DAPK1: variants seen among roughly 807,000 people sequenced by gnomAD.
DAPK1 encodes the protein death-associated protein kinase 1.
A neutral mutation model predicts 144.9 loss-of-function variants in DAPK1; 56 were observed. That is an observed-to-expected ratio of 0.39 (90% CI 0.31 to 0.48). The LOEUF (loss-of-function observed/expected upper bound fraction) is 0.48, where lower values mean the gene tolerates loss of function less well. Ranked by LOEUF, DAPK1 falls within the 20% of genes least tolerant of loss-of-function variation. The pLI, the probability that DAPK1 is intolerant of heterozygous loss-of-function variation, is 0.95. For missense variants in DAPK1, 1,454 were observed against 1,875.4 expected, an observed-to-expected ratio of 0.78 and a Z score of 4.15; for synonymous variants, 690 against 749.0, an observed-to-expected ratio of 0.92 and a Z score of 1.29.
In DAPK1 at chr9:87,706,338, C is replaced by T; in HGVS notation, c.3267C>T (p.Asp1089=). ...EELLQILDAM[D]ICARDLSSGT... is the part of the protein sequence containing the mutation. ...TGCTGCAGATCCTCGATGCCATGGA[C>T]ATCTGCGCCCGGGACCTGAGCAGCG... The change falls in exon 26 of 26, where the codon GAC becomes GAT. Residue 1089 remains aspartate, a synonymous_variant. Transcript: ENST00000408954. This position sits in a 1 kb window ranked among gnomAD's most constrained non-coding sequence, Gnocchi z 9.0. 6.2e-7 allele frequency: 1 copy of T among 1,607,464 alleles called. No individual in the cohort carries two copies. Among genetic ancestry groups the T allele is most frequent in the East Asian group, 2.2e-5 (1 of 44,540 alleles).
intron 2 of DAPK1, among the ~76,000 whole-genome samples, chr9:87,515,339 A>G (rs1478121010): frequency 2.6e-5 from 4 of 152,254 alleles, no homozygotes; most frequent in Admixed American, 2.0e-4. Flanking sequence ...CCTGTGGGCC[A>G]TGATTTGCTA....
intron 2 of DAPK1, chr9:87,525,259 AT>A (rs1825453503): frequency 6.9e-7 from 1 of 1,457,008 alleles, no homozygotes; most frequent in African/African-American, 1.4e-5. Context: ...AATGCGTTGA[AT>A]AGAGCTTCTT....
intron 2 of DAPK1, among the ~76,000 whole-genome samples, chr9:87,600,740 T>C (rs1448912585): frequency 6.6e-6 from 1 of 152,172 alleles, no homozygotes; most frequent in Non-Finnish European, 1.5e-5. Flanking sequence ...CCTTCCCCCA[T>C]CCATTGAACA....
intron 2 of DAPK1, among the ~76,000 whole-genome samples, chr9:87,522,248 AAAATG>A (rs538534331): frequency 9.3e-4 from 141 of 152,354 alleles, no homozygotes; most frequent in Non-Finnish European, 1.6e-3. Flanking sequence ...TACATCTTTT[AAAATG>A]AAATATGTAA....
intron 2 of DAPK1, among the ~76,000 whole-genome samples, chr9:87,538,935 A>G (rs78559602): frequency 6.6e-6 from 1 of 151,198 alleles, no homozygotes; most frequent in African/African-American, 2.4e-5. Context: ...GAGATCTGCT[A>G]AACAGCCCCA....
At chr9:87,696,398 G>A (rs563327248) in intron 21 of DAPK1, among the ~76,000 whole-genome samples, 7 of 152,196 alleles carry the variant, frequency 4.6e-5, no homozygotes, top group Non-Finnish European at 7.4e-5. Flanking sequence ...GACACAAGTC[G>A]ATCTGCACGT....
At chr9:87,535,337 T>TTA (rs1825824757) in intron 2 of DAPK1, among the ~76,000 whole-genome samples, 1 of 152,150 alleles carries the variant, frequency 6.6e-6, no homozygotes, top group African/African-American at 2.4e-5. Context: ...ACACTAGTGT[T>TTA]TTTTAGATTT....
intron 2 of DAPK1, among the ~76,000 whole-genome samples, chr9:87,567,888 G>A (rs1203296601): frequency 2.6e-5 from 4 of 152,154 alleles, no homozygotes; most frequent in Non-Finnish European, 4.4e-5. Flanking sequence ...ATTTCCAAAT[G>A]CTTTCGTGTT....
intron 24 of DAPK1, among the ~76,000 whole-genome samples, chr9:87,701,017 T>C (rs1476173666): frequency 6.6e-6 from 1 of 152,154 alleles, no homozygotes; most frequent in African/African-American, 2.4e-5. Flanking sequence ...TCTGAATGGG[T>C]TGAGGGGATT....
chr9:87,686,596 G>A lies in DAPK1; in HGVS notation c.2270G>A (p.Ser757Asn). The A allele has an allele frequency of 6.2e-7, 1 of 1,600,618 alleles. No homozygotes were observed. The highest frequency in any genetic ancestry group is 1.1e-5 in the South Asian group (1 of 89,128). The change falls in exon 21 of 26, where the codon AGT (serine) becomes AAT (asparagine). Residue 757 changes from serine to asparagine, a missense_variant. Ser to Asn is a conservative substitution (Grantham distance 46). Coordinates refer to ENST00000408954, the MANE Select transcript of DAPK1 (RefSeq NM_004938.4). This position sits in a 1 kb window ranked among gnomAD's most constrained non-coding sequence, Gnocchi z 4.2. The part of the protein sequence containing the change: ...NNLYPGCENV[S>N]VRSRSMMFEP... ...CTGTACCCAGGCTGCGAGAACGTGA[G>A]TGTGAGGAGCCGCAGCATGATGTTC...
chr9:87,652,640 A>G (rs576598724), intron 17 of DAPK1, among the ~76,000 whole-genome samples: 81 of 128,688 alleles, frequency 6.3e-4, no homozygotes, highest in Non-Finnish European at 9.7e-4. Context: ...ACCTGATACC[A>G]GGTCCTGATT....
At chr9:87,599,682 T>C (rs866465150) in intron 2 of DAPK1, among the ~76,000 whole-genome samples, 2 of 152,318 alleles carry the variant, frequency 1.3e-5, no homozygotes, top group Middle Eastern at 3.4e-3. Flanking sequence ...GTTCTGTCAG[T>C]TATTAAACGA....
At chr9:87,604,229 C>T (rs1033790106) in intron 2 of DAPK1, among the ~76,000 whole-genome samples, 2 of 152,112 alleles carry the variant, frequency 1.3e-5, no homozygotes, top group Admixed American at 1.3e-4. Context: ...TGTGTCTCTG[C>T]ATCCTCTGAA....
chr9:87,668,827 G>C (rs574465059), intron 19 of DAPK1, 153 bp downstream of exon 19: 3 of 644,894 alleles, frequency 4.7e-6, no homozygotes, highest in South Asian at 3.6e-5. Context: ...CATGTCAGTC[G>C]GTATAAATGC....
intron 2 of DAPK1, among the ~76,000 whole-genome samples, chr9:87,565,802 C>T (rs757201527): frequency 2.0e-5 from 3 of 152,148 alleles, no homozygotes; most frequent in East Asian, 1.9e-4. Flanking sequence ...TAGTTGTACA[C>T]GAACATTTAT....
intron 3 of DAPK1, chr9:87,632,205 G>A: frequency 4.2e-6 from 4 of 954,802 alleles, no homozygotes; most frequent in Non-Finnish European, 5.0e-6. Context: ...GAAGGAGGAT[G>A]AGTATATATG....
At chr9:87,517,030 T>C (rs2118184887) in intron 2 of DAPK1, among the ~76,000 whole-genome samples, 1 of 152,146 alleles carries the variant, frequency 6.6e-6, no homozygotes, top group East Asian at 1.9e-4. Flanking sequence ...TCACAACCTC[T>C]CTCTTCCTGC....
rs1277818371 is a variant in DAPK1 at position 87,707,995 on chromosome 9, G to A, written c.*631G>A. On this transcript the variant is annotated 3_prime_UTR_variant, in exon 26 of 26. Coordinates refer to ENST00000408954, the MANE Select transcript of DAPK1 (RefSeq NM_004938.4). This position sits in a 1 kb window ranked among gnomAD's most constrained non-coding sequence, Gnocchi z 4.0. ...TGTCCCTTGCTGTATGCTGATCATCGCCAGAGGTGCTTCACCCTGAGTTTT... is the reference window on the plus strand; with the variant it reads ...TGTCCCTTGCTGTATGCTGATCATCACCAGAGGTGCTTCACCCTGAGTTTT... 3.9e-5 allele frequency: 14 copies of A among 358,424 alleles called. No homozygotes were observed. The highest frequency in any genetic ancestry group is 3.3e-4 in the East Asian group (4 of 12,152). 22.2% of individuals were successfully genotyped at this position (358,424 alleles called of 1,614,324 possible). A position where few individuals can be genotyped will look rare whatever the true frequency, so the allele number is the denominator to read the frequency against.
At chr9:87,680,650 C>A (rs1412229849) in intron 19 of DAPK1, among the ~76,000 whole-genome samples, 6 of 124,228 alleles carry the variant, frequency 4.8e-5, no homozygotes, top group African/African-American at 1.6e-4. Flanking sequence ...CACACACACA[C>A]ACGCGCACAC....
Sources: gnomAD v4.1 joint callset for allele counts (sites outside exome capture counted in the v4.1 genomes callset) on GRCh38, gnomAD v4.1.1 for gene constraint, Gnocchi (gnomAD v3.1) non-coding constraint, MANE v1.5 for transcripts, NCBI Gene and HGNC (gene_info 2026-07-23, HGNC 2026-07-21) for gene names.